Variants in PRH1 observed in about 807,000 individuals in gnomAD.
PRH1 encodes salivary acidic proline-rich phosphoprotein 1/2.
Under a neutral mutation model 7.9 loss-of-function variants are expected in PRH1, and 7 were observed. That is an observed-to-expected ratio of 0.89 (90% CI 0.50 to 1.67). The LOEUF is 1.67. Among genes scored for constraint, PRH1 ranks in the 40% most tolerant of loss-of-function variants. PRH1 has a pLI of 0.00. For missense variants in PRH1, 109 were observed against 223.6 expected (o/e 0.49, Z 3.27); for synonymous variants, 45 against 80.8 (o/e 0.56, Z 2.38).
chr12:11,078,331 T>C, intron 1 of PRH1: 1 of 267,270 alleles, frequency 3.7e-6, no homozygotes, highest in African/African-American at 2.3e-5. Context: ...CGATAAACAC[T>C]TGATTACTAA....
chr12:11,137,697 T>G (rs1565693831), intron 1 of PRH1, among the ~76,000 whole-genome samples: 1 of 152,220 alleles, frequency 6.6e-6, no homozygotes, highest in Non-Finnish European at 1.5e-5. Context: ...AATTTCTAAA[T>G]CTAAGTGTAT....
chr12:10,993,520 G>T (rs1940046780), intron 1 of PRH1, among the ~76,000 whole-genome samples: 1 of 152,120 alleles, frequency 6.6e-6, no homozygotes, highest in Non-Finnish European at 1.5e-5. Context: ...GATTTTAGGG[G>T]TCCAGTGCTC....
intron 1 of PRH1, among the ~76,000 whole-genome samples, chr12:11,170,491 G>A (rs1413264410): frequency 6.6e-6 from 1 of 152,222 alleles, no homozygotes; most frequent in Non-Finnish European, 1.5e-5. Flanking sequence ...AGCTTGCAGT[G>A]AGCCGAGATC....
intron 2 of PRH1, among the ~76,000 whole-genome samples, chr12:10,968,255 T>A (rs1248336913): frequency 3.3e-5 from 5 of 152,254 alleles, no homozygotes; most frequent in Admixed American, 3.3e-4. Flanking sequence ...AAGCAATGTA[T>A]TTTAAACTAA....
At chr12:11,132,672 C>G (rs1946393616) in intron 1 of PRH1, among the ~76,000 whole-genome samples, 1 of 152,178 alleles carries the variant, frequency 6.6e-6, no homozygotes, top group Non-Finnish European at 1.5e-5. Flanking sequence ...TTATGGTACA[C>G]ATACATGAAA....
chr12:11,027,132 T>C (rs564466401), intron 1 of PRH1, among the ~76,000 whole-genome samples: 1 of 151,838 alleles, frequency 6.6e-6, no homozygotes, highest in East Asian at 1.9e-4. Flanking sequence ...AGGCGTGATG[T>C]TGTGCCCCTG....
At chr12:11,133,821 A>G in intron 1 of PRH1, 1 of 1,614,162 alleles carries the variant, frequency 6.2e-7, no homozygotes, top group East Asian at 2.2e-5. Flanking sequence ...AAAAGATGAC[A>G]AACCAAAAAT....
At chr12:10,947,251 G>T (rs1342739386) in intron 2 of PRH1, among the ~76,000 whole-genome samples, 1 of 152,110 alleles carries the variant, frequency 6.6e-6, no homozygotes, top group Non-Finnish European at 1.5e-5. Context: ...ATTATTGGGT[G>T]GGAGTGTATG....
At chr12:11,086,625 G>A (rs1253671740) in intron 1 of PRH1, among the ~76,000 whole-genome samples, 15 of 148,416 alleles carry the variant, frequency 1.0e-4, no homozygotes, top group Admixed American at 3.4e-4. Flanking sequence ...ATAAAAAGGA[G>A]ACGATAGGCC....
intron 1 of PRH1, among the ~76,000 whole-genome samples, chr12:11,029,184 T>A (rs1027625890): frequency 3.9e-5 from 6 of 152,270 alleles, no homozygotes; most frequent in Non-Finnish European, 5.9e-5. Flanking sequence ...TTGTTTAAAT[T>A]TCATAACACC....
chr12:11,076,283 TA>T, intron 1 of PRH1, among the ~76,000 whole-genome samples: 2 of 113,274 alleles, frequency 1.8e-5, no homozygotes, highest in Non-Finnish European at 4.2e-5. Context: ...ACCATTATAA[TA>T]AAACATATCA....
chr12:11,120,500 T>G (rs539225119), downstream of PRH1, among the ~76,000 whole-genome samples: 18 of 152,260 alleles, frequency 1.2e-4, 1 homozygote, highest in South Asian at 3.7e-3. Flanking sequence ...ACTCTACAGC[T>G]TTTTTACTGA....
intron 1 of PRH1, among the ~76,000 whole-genome samples, chr12:11,124,403 G>C (rs967150056): frequency 1.3e-5 from 2 of 152,262 alleles, no homozygotes; most frequent in African/African-American, 4.8e-5. Flanking sequence ...TTAGAAATAA[G>C]AGCTTGATCA....
chr12:11,025,021 A>ATT (rs34435271), intron 1 of PRH1, among the ~76,000 whole-genome samples: 11,473 of 139,322 alleles, frequency 0.082, 588 homozygotes, highest in South Asian at 0.16. Context: ...ATTGTCATTA[A>ATT]TTTTTTTTTT....
At chr12:11,063,005 T>TA (rs1010221329) in intron 1 of PRH1, among the ~76,000 whole-genome samples, 2 of 151,868 alleles carry the variant, frequency 1.3e-5, no homozygotes, top group African/African-American at 2.4e-5. Context: ...AGTTCCAAAA[T>TA]AAAAAAAGGA....
intron 1 of PRH1, among the ~76,000 whole-genome samples, chr12:11,017,042 A>G (rs550181259): frequency 2.0e-5 from 3 of 152,360 alleles, no homozygotes; most frequent in African/African-American, 4.8e-5. Flanking sequence ...TTAAATCACT[A>G]CTTACAAATG....
chr12:11,032,433 T>C lies in PRH1; in HGVS notation c.-126+14587A>G, dbSNP rs1349205236. 1.4e-4 allele frequency among the ~76,000 whole-genome samples: 22 copies of C among 152,352 alleles called. No homozygotes were observed. In the South Asian group the frequency reaches 1.4e-3, roughly 10 times the overall value. ...GAACCACAGGCAGGCCACTACTCCA[T>C]AAGATCTGGTTGCTGCTAACACTTT... is the stretch of plus-strand genomic sequence containing the variant. On this transcript the variant is annotated intron_variant, in intron 1 of 3. Coordinates refer to the PRH1 transcript ENST00000539853.
intron 1 of PRH1, among the ~76,000 whole-genome samples, chr12:11,130,580 G>A (rs182555436): frequency 3.9e-5 from 6 of 152,344 alleles, no homozygotes; most frequent in African/African-American, 1.2e-4. Flanking sequence ...TCTGGCCACT[G>A]TGCCAGATGA....
At chr12:11,124,619 CAAT>C (rs1946043001) in intron 1 of PRH1, among the ~76,000 whole-genome samples, 2 of 151,768 alleles carry the variant, frequency 1.3e-5, no homozygotes, top group African/African-American at 2.4e-5. Context: ...AAATTTCCCA[CAAT>C]GATATCTCTT....
Sources: allele counts gnomAD v4.1 joint callset (sites outside exome capture counted in the v4.1 genomes callset), GRCh38; gene constraint gnomAD v4.1.1; transcripts MANE v1.5; gene names NCBI Gene and HGNC (gene_info 2026-07-23, HGNC 2026-07-21).